SYN1: variants seen among roughly 807,000 people sequenced by gnomAD.
The protein encoded by SYN1 is synapsin I.
A neutral mutation model predicts 44.6 loss-of-function variants in SYN1; 8 were observed. The observed-to-expected ratio is 0.18, with a 90% CI of 0.11 to 0.32. SYN1 has a LOEUF of 0.32. Ranked by LOEUF, SYN1 falls within the 10% of genes least tolerant of loss-of-function variation. The pLI is 1.00. For missense variants in SYN1, 451 were observed against 639.4 expected, an observed-to-expected ratio of 0.71 and a Z score of 3.18; for synonymous variants, 275 against 280.1, an observed-to-expected ratio of 0.98 and a Z score of 0.18.
chrX:47,574,774 G>A lies in SYN1; in HGVS notation c.1307C>T (p.Thr436Ile). Residue 436 changes from threonine to isoleucine, a missense_variant and splice_region_variant, in exon 11 of 13, where the codon ACT (threonine) becomes ATT (isoleucine). By Grantham distance (89) the Thr-to-Ile change is moderately conservative (BLOSUM62 -1). This residue lies in a region of SYN1 where 315 missense variants were observed against 451.4 expected (regional missense o/e 0.70). Coordinates refer to ENST00000295987, the MANE Select transcript of SYN1 (RefSeq NM_006950.3). ...ASPGRGSHGQ[T>I]PSPGALPLGR... Reference sequence around the variant, plus strand: ...CAAGGGCAGGGCCCCTGGGGACGGAGTCTGCGGCAGAGGAATGGAGCAGGA... The same window carrying A: ...CAAGGGCAGGGCCCCTGGGGACGGAATCTGCGGCAGAGGAATGGAGCAGGA... 2.5e-6 allele frequency: 3 copies of A among 1,183,093 alleles called. No individual in the cohort carries two copies. Among genetic ancestry groups the A allele is most frequent in the East Asian group, 3.0e-5 (1 of 32,965 alleles).
At chrX:47,577,584 C>G (rs1426500267) in intron 5 of SYN1, 83 bp from the exon 6 acceptor site, 12 of 860,803 alleles carry the variant, frequency 1.4e-5, no homozygotes, top group African/African-American at 2.0e-5. Context: ...GGGATCCCAG[C>G]CAGTGGGAAC....
At chrX:47,612,540 G>A (rs2057919383) in intron 1 of SYN1, among the ~76,000 whole-genome samples, 2 of 111,708 alleles carry the variant, frequency 1.8e-5, no homozygotes, top group South Asian at 3.7e-4. Flanking sequence ...TCACAAATTG[G>A]TTGTCTTAGT....
intron 5 of SYN1, among the ~76,000 whole-genome samples, chrX:47,588,877 C>A (rs5905614): frequency 0.25 from 27,190 of 110,479 alleles, 3,093 homozygotes; most frequent in South Asian, 0.4. Flanking sequence ...CTCACCTGAG[C>A]CTCAGTCCTT....
intron 5 of SYN1, chrX:47,583,337 G>T: frequency 9.4e-7 from 1 of 1,059,011 alleles, no homozygotes; most frequent in Non-Finnish European, 1.3e-6. Flanking sequence ...GGGGCAAGAT[G>T]GGGTGGATGA....
chrX:47,591,073 CG>C (rs2057846161), intron 5 of SYN1, among the ~76,000 whole-genome samples: 2 of 110,670 alleles, frequency 1.8e-5, no homozygotes, highest in Admixed American at 9.6e-5. Flanking sequence ...TTTGTAGAGA[CG>C]GGGTTTCATC....
At chrX:47,607,560 C>T (rs148654906) in intron 1 of SYN1, among the ~76,000 whole-genome samples, 1,312 of 109,720 alleles carry the variant, frequency 0.012, 23 homozygotes, top group African/African-American at 0.04. Context: ...GCATGGAGAC[C>T]GGTAAACAGC....
intron 1 of SYN1, among the ~76,000 whole-genome samples, chrX:47,608,734 C>T (rs1346355745): frequency 1.8e-5 from 2 of 109,946 alleles, no homozygotes; most frequent in African/African-American, 6.6e-5. Flanking sequence ...CGGTGGCCTC[C>T]TCCCCCAGGC....
intron 1 of SYN1, among the ~76,000 whole-genome samples, chrX:47,609,189 T>G (rs1299627019): frequency 8.9e-6 from 1 of 111,929 alleles, no homozygotes; most frequent in African/African-American, 3.3e-5. Context: ...GATACTGTGG[T>G]GGTCTGCTCA....
At position 47,574,361 on chromosome X, in the gene SYN1, C is replaced by T; in HGVS notation, c.1623G>A (p.Gly541=). The part of the protein sequence containing the change: ...RQSRPVAGGP[G]APPAARPPAS... ...CGGGCGGGCGGGCTGCTGGAGGCGC[C>T]CCGGGGCCTCCCGCCACTGGCCGGG... The change falls in exon 12 of 13, where the codon GGG becomes GGA. Residue 541 remains glycine (G), a synonymous_variant. Transcript: ENST00000295987. 9.8e-7 allele frequency: 1 copy of T among 1,024,180 alleles called. No homozygotes were observed. The highest frequency in any genetic ancestry group is 1.2e-6 in the Non-Finnish European group (1 of 810,205). The allele number at this position is 1,024,180 out of a possible 1,213,427, so 84.4% of individuals were successfully genotyped here. A position where few individuals can be genotyped will look rare whatever the true frequency, so the allele number is the denominator to read the frequency against.
rs1363998800 is a variant in SYN1, at chrX:47,619,561, C to T, written c.168G>A (p.Gly56=). The change falls in exon 1 of 13, where the codon GGG becomes GGA. Residue 56 remains glycine (G), a synonymous_variant. Coordinates refer to ENST00000295987, the MANE Select transcript of SYN1 (RefSeq NM_006950.3). ...CGGCCGGAGAGGCCGCTGGGGCGAC[C>T]CCGGAGGACCTCTCGGCAGTGGCGG... is the stretch of plus-strand genomic sequence containing the variant. ...PGTATAERSS[G]VAPAASPAAP... The T allele has an allele frequency of 2.5e-6, 3 of 1,177,569 alleles. No individual in the cohort carries two copies. Among genetic ancestry groups the T allele is most frequent in the Non-Finnish European group, 3.4e-6 (3 of 878,916 alleles).
rs1255601659 is a variant in SYN1, at chrX:47,580,201, T to TTA, written c.775-2701_775-2700insTA. Among the ~76,000 whole-genome samples, 607 of 105,107 alleles carry TTA rather than the reference T, an allele frequency of 5.8e-3. 3 individuals are homozygous for TTA. Among genetic ancestry groups the TTA allele is most frequent in the Non-Finnish European group, 8.1e-3 (413 of 50,896 alleles). 91.3% of individuals were successfully genotyped at this position (105,107 alleles called of 115,157 possible). ...AGAACAGTGCTTTTTTTTTTTTTTT[T>TTA]AAATAGAGACAGGGTTTCACCATGT... On this transcript the variant is annotated intron_variant, in intron 5 of 12. Coordinates refer to ENST00000295987, the MANE Select transcript of SYN1 (RefSeq NM_006950.3).
intron 5 of SYN1, chrX:47,586,567 A>G: frequency 8.3e-7 from 1 of 1,211,788 alleles, no homozygotes. Flanking sequence ...AGTGGCACTC[A>G]TTGCTTGTGG....
chrX:47,574,739 T>C lies in SYN1; in HGVS notation c.1342A>G (p.Thr448Ala). 8.4e-7 allele frequency: 1 copy of C among 1,186,292 alleles called. No individual in the cohort carries two copies. The highest frequency in any genetic ancestry group is 1.1e-6 in the Non-Finnish European group (1 of 883,926). Reference sequence around the variant, plus strand: ...GGGGGCCCTGCGGGCTGCTGGGAGGTCTGGCGGCCCAAGGGCAGGGCCCCT... The same window carrying C: ...GGGGGCCCTGCGGGCTGCTGGGAGGCCTGGCGGCCCAAGGGCAGGGCCCCT... ...SPGALPLGRQ[T>A]SQQPAGPPAQ... Residue 448 changes from threonine (T) to alanine (A), a missense_variant, in exon 11 of 13, where the codon ACC (threonine) becomes GCC (alanine). Thr to Ala is a moderately conservative substitution (Grantham distance 58). Coordinates refer to ENST00000295987, the MANE Select transcript of SYN1 (RefSeq NM_006950.3).
chrX:47,616,179 C>T (rs939469209), intron 1 of SYN1, among the ~76,000 whole-genome samples: 3 of 111,076 alleles, frequency 2.7e-5, no homozygotes, highest in Non-Finnish European at 3.8e-5. Context: ...CTGAGCCTGG[C>T]GTACATACAT....
chrX:47,579,493 C>T (rs1384104928), intron 5 of SYN1, among the ~76,000 whole-genome samples: 5 of 111,066 alleles, frequency 4.5e-5, no homozygotes, highest in East Asian at 2.8e-4. Context: ...GTCAGGTGTC[C>T]GCTTTGCACA....
chrX:47,592,512 T>A (rs1436941603), intron 5 of SYN1, among the ~76,000 whole-genome samples: 1 of 111,314 alleles, frequency 9.0e-6, no homozygotes. Flanking sequence ...AACTTTACTA[T>A]CAACTCATTT....
Position 47,574,106 on chromosome X carries a change from C to G in SYN1, c.1878G>C (p.Pro626=). 8.9e-7 allele frequency: 1 copy of G among 1,119,572 alleles called. No homozygotes were observed. Among genetic ancestry groups the G allele is most frequent in the Non-Finnish European group, 1.2e-6 (1 of 854,254 alleles). 92.3% of individuals were successfully genotyped at this position (1,119,572 alleles called of 1,213,427 possible). A position where few individuals can be genotyped will look rare whatever the true frequency, so the allele number is the denominator to read the frequency against. ...GTGGTTTGGGACGTCCAGCGGGGCC[C>G]GGGCCGCTGGGCCGAGGCTGCTGCG... ...PTTQQPRPSG[P]GPAGRPKPQL... is the part of the protein sequence containing the mutation. The change falls in exon 12 of 13, where the codon CCG becomes CCC. Residue 626 remains proline, a synonymous_variant. Transcript: ENST00000295987.
intron 3 of SYN1, 26 bp from the exon 4 acceptor site, chrX:47,605,405 G>A (rs773814400): frequency 6.6e-6 from 8 of 1,206,057 alleles, no homozygotes; most frequent in Admixed American, 6.6e-5. Context: ...TAGGAGTGTT[G>A]AGAGTTCCCC....
intron 5 of SYN1, chrX:47,586,209 A>G (rs2057825457): frequency 2.0e-5 from 15 of 753,069 alleles, no homozygotes; most frequent in Non-Finnish European, 1.9e-5. Context: ...TTAGCCGCCA[A>G]CCGGGTGGGG....
Sources: gnomAD v4.1 joint callset for allele counts (sites outside exome capture counted in the v4.1 genomes callset) on GRCh38, gnomAD v4.1.1 for gene constraint, gnomAD v4.1.1 regional missense constraint, MANE v1.5 for transcripts, NCBI Gene and HGNC (gene_info 2026-07-23, HGNC 2026-07-21) for gene names.